Variants in NCKAP5 observed in about 807,000 individuals in gnomAD.
NCKAP5 encodes the protein nck-associated protein 5.
In NCKAP5, 92 loss-of-function variants were observed where a neutral mutation model predicts 167.0. That is an observed-to-expected ratio of 0.55 (90% CI 0.47 to 0.66). The LOEUF (loss-of-function observed/expected upper bound fraction) is 0.66. Among genes scored for constraint, NCKAP5 ranks in the 30% least tolerant of loss-of-function variants. The probability of loss-of-function intolerance (pLI) is 0.00; values close to 1 mark genes in which losing one functional copy is unlikely to be tolerated. For missense variants in NCKAP5, 2,378 were observed against 2,315.0 expected (o/e 1.03, Z -0.56); for synonymous variants, 891 against 877.4 (o/e 1.02, Z -0.27).
chr2:133,108,883 T>A (rs2081811059), intron 6 of NCKAP5, among the ~76,000 whole-genome samples: 1 of 152,262 alleles, frequency 6.6e-6, no homozygotes, highest in Non-Finnish European at 1.5e-5. Context: ...TTTTTAATGA[T>A]AATATTCCAT....
intron 3 of NCKAP5, among the ~76,000 whole-genome samples, chr2:133,475,739 G>A (rs1302349881): frequency 5.3e-5 from 8 of 152,148 alleles, no homozygotes; most frequent in African/African-American, 1.4e-4. Flanking sequence ...TATAAACACT[G>A]GAAGGATTTA....
At chr2:133,543,292 T>C (rs1686380590) in intron 2 of NCKAP5, among the ~76,000 whole-genome samples, 1 of 152,172 alleles carries the variant, frequency 6.6e-6, no homozygotes, top group African/African-American at 2.4e-5. Flanking sequence ...TCCTGAGGTC[T>C]CACCAGAAGC....
chr2:132,717,756 T>A (rs1390366397), intron 19 of NCKAP5, among the ~76,000 whole-genome samples: 2 of 152,200 alleles, frequency 1.3e-5, no homozygotes, highest in Non-Finnish European at 2.9e-5. Context: ...TTGAATGTAA[T>A]CACCTTCAAG....
chr2:133,244,195 T>C (rs1404845298), intron 4 of NCKAP5, among the ~76,000 whole-genome samples: 2 of 152,208 alleles, frequency 1.3e-5, no homozygotes, highest in African/African-American at 4.8e-5. Flanking sequence ...ACAAGTTTGA[T>C]AAAGATGGAT....
intron 7 of NCKAP5, among the ~76,000 whole-genome samples, chr2:132,991,132 C>T (rs2077436327): frequency 6.6e-6 from 1 of 152,168 alleles, no homozygotes; most frequent in Admixed American, 6.5e-5. Flanking sequence ...TTCTAGGCTA[C>T]TTCTTGATTG....
chr2:133,204,114 A>G (rs1240713769), intron 5 of NCKAP5, among the ~76,000 whole-genome samples: 2 of 152,166 alleles, frequency 1.3e-5, no homozygotes, highest in Admixed American at 6.5e-5. Context: ...AAATGAAAAA[A>G]CATATTCTCT....
the NCKAP5 span, among the ~76,000 whole-genome samples, chr2:133,573,477 C>CA: frequency 6.6e-6 from 1 of 152,054 alleles, no homozygotes; most frequent in African/African-American, 2.4e-5. Flanking sequence ...AAAGTTTCCC[C>CA]TATTTTGAGA....
chr2:133,200,032 C>T (rs2085606702), intron 5 of NCKAP5, among the ~76,000 whole-genome samples: 2 of 147,144 alleles, frequency 1.4e-5, no homozygotes, highest in Admixed American at 6.8e-5. Context: ...CAATTCCTAT[C>T]AAAATCCCAG....
chr2:133,614,492 C>T, the NCKAP5 span, among the ~76,000 whole-genome samples: 13 of 151,662 alleles, frequency 8.6e-5, no homozygotes, highest in South Asian at 4.2e-4. Context: ...TCGAGAACTA[C>T]GTGAAGAATG....
intron 3 of NCKAP5, among the ~76,000 whole-genome samples, chr2:133,393,727 T>C (rs1687567356): frequency 6.6e-6 from 1 of 152,232 alleles, no homozygotes; most frequent in Non-Finnish European, 1.5e-5. Flanking sequence ...ACAACTATCT[T>C]CGCCCTTCCT....
chr2:133,527,494 C>T (rs1450740530), intron 2 of NCKAP5, among the ~76,000 whole-genome samples: 1 of 151,718 alleles, frequency 6.6e-6, no homozygotes, highest in Non-Finnish European at 1.5e-5. Context: ...TCCACCCACC[C>T]ACCCCCCAAA....
At chr2:133,313,231 C>G (rs1681371489) in intron 3 of NCKAP5, among the ~76,000 whole-genome samples, 1 of 152,090 alleles carries the variant, frequency 6.6e-6, no homozygotes, top group Non-Finnish European at 1.5e-5. Flanking sequence ...GATGCAAAGC[C>G]ATAAAACAAA....
At chr2:133,069,985 G>T (rs1336351787) in intron 6 of NCKAP5, among the ~76,000 whole-genome samples, 2 of 151,920 alleles carry the variant, frequency 1.3e-5, no homozygotes, top group Non-Finnish European at 2.9e-5. Flanking sequence ...AACTAAAGTA[G>T]GTATTTAGGC....
At position 133,049,445 on chromosome 2, in the gene NCKAP5, T is replaced by C. The variant is rs544160950; in HGVS notation, c.342-55206A>G. 6.7e-5 allele frequency among the ~76,000 whole-genome samples: 10 copies of C among 148,924 alleles called. No individual in the cohort carries two copies. In the East Asian group the frequency reaches 1.8e-3, roughly 27 times the overall value. ...CTGTAGTCACAGCTACTTAGGAGGC[T>C]GAGGCAGGAGAATGGTGTGAACCTG... On this transcript the variant is annotated intron_variant, in intron 6 of 19. Coordinates refer to ENST00000409261, the MANE Select transcript of NCKAP5 (RefSeq NM_207363.3).
At chr2:132,853,603 G>A (rs1011310638) in intron 11 of NCKAP5, among the ~76,000 whole-genome samples, 2 of 152,124 alleles carry the variant, frequency 1.3e-5, no homozygotes, top group African/African-American at 4.8e-5. Flanking sequence ...AAATTTAGGT[G>A]CCTTCCATTA....
intron 2 of NCKAP5, among the ~76,000 whole-genome samples, chr2:133,531,041 C>G (rs73960259): frequency 6.6e-6 from 1 of 151,964 alleles, no homozygotes; most frequent in African/African-American, 2.4e-5. Flanking sequence ...AAGTAACCAA[C>G]TTATTGGGGT....
chr2:133,179,418 A>G (rs2084635062), intron 5 of NCKAP5, among the ~76,000 whole-genome samples: 1 of 152,034 alleles, frequency 6.6e-6, no homozygotes, highest in African/African-American at 2.4e-5. Context: ...CTATACTCCA[A>G]AAGTCCAGGT....
chr2:133,242,220 C>T (rs2087745530), intron 4 of NCKAP5, among the ~76,000 whole-genome samples: 1 of 151,040 alleles, frequency 6.6e-6, no homozygotes, highest in Non-Finnish European at 1.5e-5. Flanking sequence ...TGTCAGAATC[C>T]AGCTTGGTAA....
At chr2:133,296,502 G>C (rs184321127) in intron 4 of NCKAP5, among the ~76,000 whole-genome samples, 2 of 152,278 alleles carry the variant, frequency 1.3e-5, no homozygotes, top group East Asian at 3.9e-4. Flanking sequence ...CTGGCAAGTT[G>C]TTAGATTGTT....
Sources: gnomAD v4.1 joint callset for allele counts (sites outside exome capture counted in the v4.1 genomes callset) on GRCh38, gnomAD v4.1.1 for gene constraint, MANE v1.5 for transcripts, NCBI Gene and HGNC (gene_info 2026-07-23, HGNC 2026-07-21) for gene names.